Variants in PRKAG2 observed in about 807,000 individuals in gnomAD.
PRKAG2 encodes the protein protein kinase AMP-activated non-catalytic subunit gamma 2, also known as 5'-AMP-activated protein kinase subunit gamma-2.
A neutral mutation model predicts 69.6 loss-of-function variants in PRKAG2; 26 were observed. The ratio of observed to expected loss-of-function variants is 0.37; its 90% CI spans 0.27 to 0.52. The LOEUF (loss-of-function observed/expected upper bound fraction) is 0.52. Ranked by LOEUF, PRKAG2 falls within the 20% of genes least tolerant of loss-of-function variation. The pLI is 0.90. For synonymous variants in PRKAG2, 293 were observed against 285.0 expected, an observed-to-expected ratio of 1.03 and a Z score of -0.28; for missense variants, 557 against 740.0, an observed-to-expected ratio of 0.75 and a Z score of 2.87.
At chr7:151,633,647 CTT>C (rs936059628) in intron 4 of PRKAG2, among the ~76,000 whole-genome samples, 2 of 151,698 alleles carry the variant, frequency 1.3e-5, no homozygotes, top group South Asian at 2.1e-4. Context: ...AACAATATCA[CTT>C]AATACAATCA....
chr7:151,846,123 T>G (rs938055453), intron 1 of PRKAG2, among the ~76,000 whole-genome samples: 6 of 152,352 alleles, frequency 3.9e-5, no homozygotes, highest in African/African-American at 1.4e-4. Flanking sequence ...TTTTACAATT[T>G]ATGGTGAACC....
chr7:151,600,538 C>T (rs909343355), intron 5 of PRKAG2, among the ~76,000 whole-genome samples: 9 of 152,194 alleles, frequency 5.9e-5, no homozygotes, highest in African/African-American at 2.2e-4. Context: ...AGAGTTTTGT[C>T]ACTGCAACTG....
chr7:151,661,339 G>A (rs991048992), intron 4 of PRKAG2, among the ~76,000 whole-genome samples: 14 of 152,150 alleles, frequency 9.2e-5, no homozygotes, highest in African/African-American at 3.4e-4. Flanking sequence ...CACCGCACCC[G>A]GCTAATTTTT....
At chr7:151,609,654 A>C (rs994358285) in intron 5 of PRKAG2, among the ~76,000 whole-genome samples, 1 of 152,114 alleles carries the variant, frequency 6.6e-6, no homozygotes, top group African/African-American at 2.4e-5. Context: ...AGACGCCCCG[A>C]GAAGCAGAGC....
chr7:151,597,740 C>T (rs1037817762), intron 5 of PRKAG2, among the ~76,000 whole-genome samples: 2 of 151,594 alleles, frequency 1.3e-5, no homozygotes, highest in African/African-American at 4.9e-5. Context: ...GATATCACCT[C>T]ACTCCAGTTA....
intron 5 of PRKAG2, among the ~76,000 whole-genome samples, chr7:151,613,761 G>C (rs1819442292): frequency 6.9e-6 from 1 of 145,094 alleles, no homozygotes; most frequent in South Asian, 2.2e-4. Flanking sequence ...GCCTCCCAAA[G>C]TGCTTACAGG....
chr7:151,602,665 C>T (rs1045926320), intron 5 of PRKAG2, among the ~76,000 whole-genome samples: 5 of 152,134 alleles, frequency 3.3e-5, no homozygotes, highest in African/African-American at 1.2e-4. Flanking sequence ...TATCATCTTA[C>T]GTTATTGATA....
chr7:151,769,214 G>A (rs1332313640), intron 3 of PRKAG2, among the ~76,000 whole-genome samples: 4 of 152,196 alleles, frequency 2.6e-5, no homozygotes, highest in Non-Finnish European at 5.9e-5. Context: ...AAACATCAAA[G>A]AAAATGGCCC....
Position 151,835,664 on chromosome 7 carries a change from G to T in PRKAG2, c.114+40843C>A, listed in dbSNP as rs138026203. ...GTCATCACTTGCCAGATAAGGAGAG[G>T]TTGCTGTATGGACAGACACACAAGG... On this transcript the variant is annotated intron_variant, in intron 1 of 15. Coordinates refer to ENST00000287878, the MANE Select transcript of PRKAG2 (RefSeq NM_016203.4). The surrounding 1 kb of genome is among the most constrained non-coding windows in gnomAD (Gnocchi z 4.1). Among the ~76,000 whole-genome samples the T allele has an allele frequency of 6.6e-6, 1 of 152,324 alleles. No individual in the cohort carries two copies. Among genetic ancestry groups the T allele is most frequent in the African/African-American group, 2.4e-5 (1 of 41,572 alleles).
intron 4 of PRKAG2, among the ~76,000 whole-genome samples, chr7:151,640,002 A>T (rs1422194806): frequency 1.3e-5 from 2 of 152,168 alleles, no homozygotes; most frequent in Non-Finnish European, 2.9e-5. Context: ...CTGACTGATA[A>T]GAGTGACATT....
chr7:151,588,220 G>A (rs943645950), intron 6 of PRKAG2, among the ~76,000 whole-genome samples: 7 of 152,078 alleles, frequency 4.6e-5, no homozygotes, highest in Non-Finnish European at 2.9e-5. Flanking sequence ...TGGTTTGGCT[G>A]TGTCCCCACC....
At chr7:151,750,643 T>G (rs1436856811) in intron 3 of PRKAG2, among the ~76,000 whole-genome samples, 1 of 151,998 alleles carries the variant, frequency 6.6e-6, no homozygotes, top group African/African-American at 2.4e-5. Flanking sequence ...AGGTTTCCAT[T>G]TGGGGTGATG....
At position 151,752,573 on chromosome 7, in the gene PRKAG2, T is replaced by A. The variant is rs572882667; in HGVS notation, c.466+28579A>T. On this transcript the variant is annotated intron_variant, in intron 3 of 15. Transcript: ENST00000287878. ...TGGACCCCCAAACCTAAAATAAAAA[T>A]TTTTTAAAATATTTGATAATGAGAA... Among the ~76,000 whole-genome samples the A allele has an allele frequency of 4.4e-3, 669 of 152,230 alleles. 5 individuals carry two copies. The highest frequency in any genetic ancestry group is 0.015 in the African/African-American group (642 of 41,520).
intron 3 of PRKAG2, among the ~76,000 whole-genome samples, chr7:151,684,855 AGCTGTTCCTGAGGG>A (rs1834476953): frequency 6.6e-6 from 1 of 152,172 alleles, no homozygotes; most frequent in South Asian, 2.1e-4. Flanking sequence ...GCACTCTGGA[AGCTGTTCCTGAGGG>A]CGTGGAGGCC....
chr7:151,576,661 C>T (rs376806054), intron 6 of PRKAG2, among the ~76,000 whole-genome samples: 10 of 152,242 alleles, frequency 6.6e-5, no homozygotes, highest in African/African-American at 1.9e-4. Context: ...CCACCATGCC[C>T]GGCTAATTTT....
At chr7:151,874,924 G>T (rs541223563) in intron 1 of PRKAG2, among the ~76,000 whole-genome samples, 1 of 152,212 alleles carries the variant, frequency 6.6e-6, no homozygotes, top group South Asian at 2.1e-4. Context: ...GTTTTCCCAT[G>T]AATTACTTTA....
At chr7:151,678,443 ATGTTT>A (rs1186524137) in intron 3 of PRKAG2, among the ~76,000 whole-genome samples, 5 of 152,224 alleles carry the variant, frequency 3.3e-5, no homozygotes, top group Non-Finnish European at 5.9e-5. Context: ...AGTGGGGCGC[ATGTTT>A]TGTTTTGTGT....
At chr7:151,778,954 T>C (rs956144589) in intron 3 of PRKAG2, among the ~76,000 whole-genome samples, 2 of 149,680 alleles carry the variant, frequency 1.3e-5, no homozygotes, top group Admixed American at 1.4e-4. Context: ...CATACATCTA[T>C]ACAAATCCAA....
At chr7:151,639,273 T>C (rs977514636) in intron 4 of PRKAG2, among the ~76,000 whole-genome samples, 3 of 152,208 alleles carry the variant, frequency 2.0e-5, no homozygotes, top group African/African-American at 7.2e-5. Flanking sequence ...GTTTCAGGCT[T>C]CCATTTTCTC....
Sources: allele counts gnomAD v4.1 joint callset (sites outside exome capture counted in the v4.1 genomes callset), GRCh38; gene constraint gnomAD v4.1.1; non-coding constraint Gnocchi (gnomAD v3.1); transcripts MANE v1.5; gene names NCBI Gene and HGNC (gene_info 2026-07-23, HGNC 2026-07-21).